Variants in DMD observed in about 807,000 individuals in gnomAD.
The protein encoded by DMD is mutant dystrophin.
In DMD, 63 loss-of-function variants were observed where a neutral mutation model predicts 330.1. The ratio of observed to expected loss-of-function variants is 0.19; its 90% confidence interval spans 0.16 to 0.24. The LOEUF (loss-of-function observed/expected upper bound fraction) is 0.24. DMD is among the 10% of genes least tolerant of loss of function. The probability of loss-of-function intolerance (pLI) is 1.00; values close to 1 mark genes in which losing one functional copy is unlikely to be tolerated. For missense variants in DMD, 3,344 were observed against 2,684.1 expected (o/e 1.25, Z -5.43); for synonymous variants, 1,223 against 959.8 (o/e 1.27, Z -5.07).
At chrX:31,522,361 C>A (rs144993307) in intron 55 of DMD, among the ~76,000 whole-genome samples, 5,801 of 48,855 alleles carry the variant, frequency 0.12, 342 homozygotes, top group African/African-American at 0.13. Flanking sequence ...CTCTCTCTCT[C>A]TCTATATATA....
chrX:32,735,925 T>A (rs930254971), intron 7 of DMD, among the ~76,000 whole-genome samples: 3 of 111,691 alleles, frequency 2.7e-5, no homozygotes, highest in Non-Finnish European at 5.6e-5. Flanking sequence ...TGGGATCTCG[T>A]TAAACTAAAG....
At chrX:31,423,284 G>A (rs1369632847) in intron 60 of DMD, among the ~76,000 whole-genome samples, 1 of 111,366 alleles carries the variant, frequency 9.0e-6, no homozygotes, top group East Asian at 2.8e-4. Flanking sequence ...ATTTTTTTGA[G>A]AGGATGTCAG....
chrX:31,269,699 G>A (rs150526595), intron 62 of DMD, among the ~76,000 whole-genome samples: 2,521 of 111,991 alleles, frequency 0.023, 53 homozygotes, highest in African/African-American at 0.067. Context: ...GAAATGGGAT[G>A]AGGTCAAAGA....
Position 32,342,097 on chromosome X carries a change from C to G in DMD, c.5922+3G>C, listed in dbSNP as rs398124000. 8.3e-7 allele frequency: 1 copy of G among 1,206,327 alleles called. No individual in the cohort carries two copies. Among genetic ancestry groups the G allele is most frequent in the Non-Finnish European group, 1.1e-6 (1 of 891,497 alleles). On this transcript the variant is annotated splice_donor_region_variant and intron_variant, in intron 41 of 78. Coordinates refer to ENST00000357033, the MANE Select transcript of DMD (RefSeq NM_004006.3). ...ATACGTGGGTTTGCCAGTAACAACT[C>G]ACAATTTGTGCAAAGTTGAGTCTTC...
intron 13 of DMD, among the ~76,000 whole-genome samples, chrX:32,577,376 T>G (rs2053175344): frequency 8.9e-6 from 1 of 112,254 alleles, no homozygotes; most frequent in African/African-American, 3.2e-5. Flanking sequence ...ATGATAGCCC[T>G]CACAAAGGAG....
intron 1 of DMD, among the ~76,000 whole-genome samples, chrX:33,267,152 T>C (rs1369125428): frequency 9.0e-6 from 1 of 111,496 alleles, no homozygotes; most frequent in Admixed American, 9.6e-5. Flanking sequence ...GGTTTCAAGA[T>C]ATACAATACA....
In DMD at chrX:32,953,167, T is replaced by C. The variant is rs771992369; in HGVS notation, c.93+66972A>G. Among the ~76,000 whole-genome samples the C allele has an allele frequency of 1.1e-4, 12 of 108,473 alleles. No individual in the cohort carries two copies. The South Asian group carries it at 4.8e-3, about 43-fold the overall frequency. 94.2% of individuals were successfully genotyped at this position (108,473 alleles called of 115,157 possible). A position where few individuals can be genotyped will look rare whatever the true frequency, so the allele number is the denominator to read the frequency against. ...AAAAAAAAAGAAGAAGAAAAGAAAT[T>C]TAAGCGAAGATGTGAGTAACTGTAT... On this transcript the variant is annotated intron_variant, in intron 2 of 78. Transcript: ENST00000357033.
At chrX:32,464,975 C>T (rs1323901861) in intron 23 of DMD, among the ~76,000 whole-genome samples, 1 of 111,696 alleles carries the variant, frequency 9.0e-6, no homozygotes, top group African/African-American at 3.3e-5. Context: ...AATCATATCC[C>T]CCTCTAGAGA....
chrX:33,248,177 G>A (rs2052702266), intron 1 of DMD, among the ~76,000 whole-genome samples: 4 of 110,306 alleles, frequency 3.6e-5, no homozygotes, highest in African/African-American at 9.9e-5. Context: ...CAGTAGCTGC[G>A]ACTACAGGCA....
At chrX:33,128,678 G>A (rs1018750650) in intron 1 of DMD, among the ~76,000 whole-genome samples, 16 of 111,863 alleles carry the variant, frequency 1.4e-4, no homozygotes, top group African/African-American at 3.9e-4. Flanking sequence ...ATGCAAACTG[G>A]TGTTAGTGAA....
At chrX:31,502,502 T>C (rs1442568859) in intron 56 of DMD, among the ~76,000 whole-genome samples, 1 of 111,273 alleles carries the variant, frequency 9.0e-6, no homozygotes, top group Non-Finnish European at 1.9e-5. Context: ...TAACCTCTAA[T>C]AGCAAGCACT....
intron 13 of DMD, among the ~76,000 whole-genome samples, chrX:32,588,638 A>G (rs1397824709): frequency 8.9e-6 from 1 of 112,055 alleles, no homozygotes; most frequent in Non-Finnish European, 1.9e-5. Flanking sequence ...TTGGGAACCC[A>G]CACTGACTTC....
rs141516758 is a variant in DMD, at chrX:33,031,610, A to G, written c.32-11410T>C. On this transcript the variant is annotated intron_variant, in intron 1 of 78. Coordinates refer to ENST00000357033, the MANE Select transcript of DMD (RefSeq NM_004006.3). ...ACGCAGTGAAGCCCCGTCTCTACTA[A>G]AAATAAAAAGATTAGCCGGGCGTGG... 5.1e-3 allele frequency among the ~76,000 whole-genome samples: 561 copies of G among 111,016 alleles called. 1 individual carries two copies. The highest frequency in any genetic ancestry group is 0.018 in the African/African-American group (536 of 30,531).
At chrX:31,359,057 T>C (rs1189458707) in intron 60 of DMD, among the ~76,000 whole-genome samples, 1 of 112,390 alleles carries the variant, frequency 8.9e-6, no homozygotes, top group Non-Finnish European at 1.9e-5. Flanking sequence ...CATTAATTAC[T>C]CAAATACTTA....
chrX:32,471,021 A>C (rs1476457176), intron 22 of DMD, among the ~76,000 whole-genome samples: 1 of 111,924 alleles, frequency 8.9e-6, no homozygotes, highest in Non-Finnish European at 1.9e-5. Context: ...TCACACCTGT[A>C]ATCCCAGCAC....
At chrX:31,480,717 C>G (rs1217792748) in intron 57 of DMD, among the ~76,000 whole-genome samples, 3 of 110,360 alleles carry the variant, frequency 2.7e-5, no homozygotes, top group Non-Finnish European at 5.7e-5. Flanking sequence ...ACTGACATTA[C>G]TAATTATAAA....
intron 49 of DMD, among the ~76,000 whole-genome samples, chrX:31,825,000 C>CA (rs1020016882): frequency 9.0e-6 from 1 of 111,429 alleles, no homozygotes; most frequent in African/African-American, 3.3e-5. Context: ...CAAAAGCAAA[C>CA]AAAAAATAAT....
In DMD at chrX:32,554,864, G is replaced by A. The variant is rs866015199; in HGVS notation, c.1993-9530C>T. Among the ~76,000 whole-genome samples the A allele has an allele frequency of 3.6e-4, 22 of 60,565 alleles. 1 individual carries two copies. The highest frequency in any genetic ancestry group is 1.1e-3 in the South Asian group (1 of 923). 52.6% of individuals were successfully genotyped at this position (60,565 alleles called of 115,157 possible). A position where few individuals can be genotyped will look rare whatever the true frequency, so the allele number is the denominator to read the frequency against. On this transcript the variant is annotated intron_variant, in intron 16 of 78. Coordinates refer to ENST00000357033, the MANE Select transcript of DMD (RefSeq NM_004006.3). ...AGAGAGAGAGAGAGAGAGAGAGAGA[G>A]AGAGAGAAGGAAAGAAGAAAGAAAG...
chrX:31,483,539 A>G (rs1475340027), intron 57 of DMD, among the ~76,000 whole-genome samples: 1 of 112,382 alleles, frequency 8.9e-6, no homozygotes, highest in Non-Finnish European at 1.9e-5. Flanking sequence ...GATCCACCAC[A>G]GCTGCACAGT....
Sources: allele counts gnomAD v4.1 joint callset (sites outside exome capture counted in the v4.1 genomes callset), GRCh38; gene constraint gnomAD v4.1.1; transcripts MANE v1.5; gene names NCBI Gene and HGNC (gene_info 2026-07-23, HGNC 2026-07-21).